Variants in CNTLN observed in about 807,000 individuals in gnomAD.
The protein encoded by CNTLN is centlein, also known as centlein, centrosomal protein.
In CNTLN, 212 loss-of-function variants were observed where a neutral mutation model predicts 180.0. The observed-to-expected ratio is 1.18, with a 90% confidence interval of 1.05 to 1.32. The LOEUF (loss-of-function observed/expected upper bound fraction) is 1.32, where lower values mean the gene tolerates loss of function less well. Among genes scored for constraint, CNTLN ranks in the 40% most tolerant of loss-of-function variants. The probability of loss-of-function intolerance (pLI) is 0.00; values close to 1 mark genes in which losing one functional copy is unlikely to be tolerated. For missense variants in CNTLN, 2,095 were observed against 1,610.9 expected (o/e 1.30, Z -5.14); for synonymous variants, 722 against 563.1 (o/e 1.28, Z -3.99).
At chr9:17,525,549 A>C in the CNTLN span, among the ~76,000 whole-genome samples, 1 of 152,190 alleles carries the variant, frequency 6.6e-6, no homozygotes, top group East Asian at 1.9e-4. Flanking sequence ...ACTTTCCTAC[A>C]TTGGTTTGCG....
intron 8 of CNTLN, among the ~76,000 whole-genome samples, chr9:17,329,370 G>A (rs528685065): frequency 3.9e-5 from 6 of 151,990 alleles, no homozygotes; most frequent in Non-Finnish European, 8.8e-5. Context: ...CGATTAAAAT[G>A]GGGATAAAAG....
Position 17,340,895 on chromosome 9 carries a change from C to G in CNTLN, c.1713C>G (p.Thr571=). 6.2e-7 allele frequency: 1 copy of G among 1,612,168 alleles called. No individual in the cohort carries two copies. The highest frequency in any genetic ancestry group is 8.5e-7 in the Non-Finnish European group (1 of 1,178,986). The part of the protein sequence containing the change: ...KRKERLQMLQ[T]NYRAVKEQLK... ...AGGAACGGCTACAGATGTTACAGAC[C>G]AACTACAGAGCAGTAAAAGAGCAAT... Residue 571 remains threonine, a synonymous_variant, in exon 11 of 26, where the codon ACC becomes ACG. Transcript: ENST00000380647.
intron 25 of CNTLN, among the ~76,000 whole-genome samples, chr9:17,496,239 A>G (rs984903894): frequency 5.3e-5 from 8 of 152,132 alleles, no homozygotes; most frequent in Non-Finnish European, 1.0e-4. Flanking sequence ...TCCTACCTGT[A>G]CTATTAAGTG....
Position 17,332,610 on chromosome 9 carries a change from A to T in CNTLN, c.1524A>T (p.Pro508=), listed in dbSNP as rs1446541560. 2 of 1,604,114 alleles carry T rather than the reference A, an allele frequency of 1.2e-6. No homozygotes were observed. The highest frequency in any genetic ancestry group is 1.7e-6 in the Non-Finnish European group (2 of 1,175,886). Residue 508 remains proline (P), a synonymous_variant, in exon 10 of 26, where the codon CCA becomes CCT. Transcript: ENST00000380647. The part of the protein sequence containing the change: ...MTSAEGKHKE[P]PVKRSRSLSP... ...GTCCTTGTTTTATTCTCGAGGAACCACCTGTGAAACGTTCAAGGTCTTTGT... is the reference window on the plus strand; with the variant it reads ...GTCCTTGTTTTATTCTCGAGGAACCTCCTGTGAAACGTTCAAGGTCTTTGT...
At chr9:17,169,770 A>T (rs368735124) in intron 2 of CNTLN, among the ~76,000 whole-genome samples, 1 of 151,988 alleles carries the variant, frequency 6.6e-6, no homozygotes, top group African/African-American at 2.4e-5. Flanking sequence ...ATCTGTGTTT[A>T]TGCCAGTACC....
At chr9:17,297,284 C>T (rs928049908) in intron 6 of CNTLN, among the ~76,000 whole-genome samples, 1 of 152,164 alleles carries the variant, frequency 6.6e-6, no homozygotes, top group Non-Finnish European at 1.5e-5. Context: ...TTCAAAACTA[C>T]ATCATTTTAT....
At chr9:17,330,524 C>T in intron 8 of CNTLN, 108 bp from the exon 9 acceptor site, 3 of 588,552 alleles carry the variant, frequency 5.1e-6, no homozygotes, top group Non-Finnish European at 2.7e-6. Context: ...ATTTCCTTCT[C>T]TGAATATTTA....
At chr9:17,339,091 A>G (rs1821275605) in intron 10 of CNTLN, among the ~76,000 whole-genome samples, 1 of 152,174 alleles carries the variant, frequency 6.6e-6, no homozygotes, top group Admixed American at 6.5e-5. Context: ...AACTGAATCC[A>G]TTCTGCTTTT....
intron 1 of CNTLN, among the ~76,000 whole-genome samples, chr9:17,142,014 A>G (rs1818133757): frequency 1.3e-5 from 2 of 149,976 alleles, no homozygotes; most frequent in Admixed American, 6.7e-5. Context: ...CCTGGGAGGC[A>G]GAGGTTGCAG....
intron 2 of CNTLN, among the ~76,000 whole-genome samples, chr9:17,191,181 A>T (rs1821766008): frequency 6.6e-6 from 1 of 152,222 alleles, no homozygotes; most frequent in Admixed American, 6.5e-5. Flanking sequence ...TGGATACTGG[A>T]CAGCTTCTCA....
chr9:17,362,300 C>T (rs1318646080), intron 12 of CNTLN, among the ~76,000 whole-genome samples: 4 of 152,040 alleles, frequency 2.6e-5, no homozygotes, highest in Non-Finnish European at 5.9e-5. Flanking sequence ...CTTAAATAAA[C>T]AAATCAGGAA....
chr9:17,436,305 C>T (rs975740698), intron 18 of CNTLN, among the ~76,000 whole-genome samples: 1 of 152,188 alleles, frequency 6.6e-6, no homozygotes, highest in Non-Finnish European at 1.5e-5. Context: ...TGCAGAAGCA[C>T]GTTTTGCTGC....
chr9:17,407,717 A>G (rs1168743779), intron 15 of CNTLN, among the ~76,000 whole-genome samples: 1 of 152,110 alleles, frequency 6.6e-6, no homozygotes, highest in East Asian at 1.9e-4. Context: ...AAGCTTACAC[A>G]CTTTTAGTCT....
Position 17,308,896 on chromosome 9 carries a change from T to G in CNTLN, c.1147-162T>G, listed in dbSNP as rs1218185300. 2.6e-5 allele frequency among the ~76,000 whole-genome samples: 4 copies of G among 151,352 alleles called. No individual in the cohort carries two copies. The East Asian group carries it at 5.8e-4, about 22-fold the overall frequency. ...TATTATTATATAAATTAGTTATTTT[T>G]TGTGTTTATATCTTCTTTCTCTCTG... is the stretch of plus-strand genomic sequence containing the variant. On this transcript the variant is annotated intron_variant, in intron 7 of 25. Coordinates refer to ENST00000380647, the MANE Select transcript of CNTLN (RefSeq NM_017738.4).
chr9:17,338,254 T>TC (rs759093135), intron 10 of CNTLN, among the ~76,000 whole-genome samples: 2 of 150,816 alleles, frequency 1.3e-5, no homozygotes, highest in Non-Finnish European at 3.0e-5. Flanking sequence ...AACCTCTGCC[T>TC]CCTGGGTTCA....
chr9:17,340,749 A>G lies in CNTLN; in HGVS notation c.1645-78A>G, dbSNP rs3808783. ...ATTTTCTTTCAAATTTCATATTTAG[A>G]TGGGTAACCTTTTATTTGAAACATT... is the stretch of plus-strand genomic sequence containing the variant. On this transcript the variant is annotated intron_variant, in intron 10 of 25. Coordinates refer to ENST00000380647, the MANE Select transcript of CNTLN (RefSeq NM_017738.4). 20,414 of 1,219,912 alleles carry G rather than the reference A, an allele frequency of 0.017. 1,525 individuals carry two copies. The East Asian group carries it at 0.27, about 16-fold the overall frequency. 75.6% of individuals were successfully genotyped at this position (1,219,912 alleles called of 1,614,324 possible).
intron 16 of CNTLN, among the ~76,000 whole-genome samples, chr9:17,410,787 CCTTA>C (rs1408723364): frequency 6.6e-6 from 1 of 152,048 alleles, no homozygotes; most frequent in Non-Finnish European, 1.5e-5. Flanking sequence ...TTAACTTTTT[CCTTA>C]CTTTATTCAA....
intron 2 of CNTLN, among the ~76,000 whole-genome samples, chr9:17,174,860 T>TTCAATG (rs1217958359): frequency 6.6e-6 from 1 of 152,236 alleles, no homozygotes; most frequent in African/African-American, 2.4e-5. Flanking sequence ...TGATGTATAG[T>TTCAATG]TATACCTCAT....
intron 2 of CNTLN, among the ~76,000 whole-genome samples, chr9:17,175,524 C>A (rs150777885): frequency 6.6e-6 from 1 of 152,266 alleles, no homozygotes; most frequent in Admixed American, 6.5e-5. Flanking sequence ...TCTGTCAATA[C>A]CATACCATCT....
Sources: gnomAD v4.1 joint callset for allele counts (sites outside exome capture counted in the v4.1 genomes callset) on GRCh38, gnomAD v4.1.1 for gene constraint, MANE v1.5 for transcripts, NCBI Gene and HGNC (gene_info 2026-07-23, HGNC 2026-07-21) for gene names.